The following SLC8A1 variants were observed in gnomAD, a reference collection of about 807,000 sequenced individuals.
SLC8A1 encodes solute carrier family 8 member A1, also known as sodium/calcium exchanger 1.
A neutral mutation model predicts 68.3 loss-of-function variants in SLC8A1; 18 were observed. That is an observed-to-expected ratio of 0.26 (90% confidence interval 0.18 to 0.39). SLC8A1 has a LOEUF of 0.39. Among genes scored for constraint, SLC8A1 ranks in the 10% least tolerant of loss-of-function variants. SLC8A1 has a pLI of 1.00. For synonymous variants in SLC8A1, 475 were observed against 415.5 expected (o/e 1.14, Z -1.74); for missense variants, 985 against 1,156.7 (o/e 0.85, Z 2.15).
At chr2:40,423,221 A>G (rs184603092) in intron 2 of SLC8A1, among the ~76,000 whole-genome samples, 46 of 152,236 alleles carry the variant, frequency 3.0e-4, no homozygotes, top group Admixed American at 3.9e-4. Context: ...TTACCAAGGT[A>G]TGAGTCCATC....
intron 2 of SLC8A1, among the ~76,000 whole-genome samples, chr2:40,309,034 T>A (rs1209043781): frequency 6.6e-6 from 1 of 152,124 alleles, no homozygotes; most frequent in African/African-American, 2.4e-5. Flanking sequence ...TTAGACATGG[T>A]GAAATAACTA....
At chr2:40,416,338 A>G (rs911151671) in intron 2 of SLC8A1, among the ~76,000 whole-genome samples, 2 of 152,188 alleles carry the variant, frequency 1.3e-5, no homozygotes, top group Non-Finnish European at 2.9e-5. Context: ...CTACAAGTTC[A>G]TAACTTATCA....
chr2:40,430,871 A>G (rs1159077081), intron 1 of SLC8A1, among the ~76,000 whole-genome samples: 2 of 152,134 alleles, frequency 1.3e-5, no homozygotes, highest in African/African-American at 4.8e-5. Context: ...AGCATCTTAC[A>G]CTGTATTTCA....
chr2:40,145,831 G>C (rs2042360212), intron 6 of SLC8A1, among the ~76,000 whole-genome samples: 1 of 152,190 alleles, frequency 6.6e-6, no homozygotes, highest in South Asian at 2.1e-4. Flanking sequence ...AAAATGATCT[G>C]AAACTTCTTT....
At chr2:40,363,546 A>T (rs1675193280) in intron 2 of SLC8A1, among the ~76,000 whole-genome samples, 1 of 152,116 alleles carries the variant, frequency 6.6e-6, no homozygotes, top group South Asian at 2.1e-4. Flanking sequence ...ATTATTATTA[A>T]ATCCCAAGCT....
chr2:40,308,914 G>A (rs2073165865), intron 2 of SLC8A1, among the ~76,000 whole-genome samples: 2 of 152,170 alleles, frequency 1.3e-5, no homozygotes, highest in African/African-American at 4.8e-5. Flanking sequence ...TTCCTGGGGA[G>A]GAGTGGAAGA....
intron 7 of SLC8A1, among the ~76,000 whole-genome samples, chr2:40,121,632 C>T (rs967898864): frequency 2.6e-5 from 4 of 152,040 alleles, no homozygotes; most frequent in Non-Finnish European, 5.9e-5. Context: ...GGAAGCTTAC[C>T]TACTTCATAG....
In SLC8A1 at chr2:40,302,200, A is replaced by G. The variant is rs973460840; in HGVS notation, c.1809-124345T>C. On this transcript the variant is annotated intron_variant, in intron 2 of 7. Transcript: ENST00000406785. ...GTGTGAGCCACTGCACCCAGCCCCA[A>G]TTTGTAGTCTTTTATCCCTCACTTC... 8.6e-5 allele frequency among the ~76,000 whole-genome samples: 13 copies of G among 151,862 alleles called. No individual in the cohort carries two copies. In the Middle Eastern group the frequency reaches 0.014, roughly 159 times the overall value.
intron 2 of SLC8A1, among the ~76,000 whole-genome samples, chr2:40,353,441 T>C (rs1671724889): frequency 6.6e-6 from 1 of 152,094 alleles, no homozygotes; most frequent in Non-Finnish European, 1.5e-5. Flanking sequence ...AGATTTTTCA[T>C]TATGGAAAAT....
intron 1 of SLC8A1, among the ~76,000 whole-genome samples, chr2:40,472,884 G>A (rs1361924290): frequency 6.6e-6 from 1 of 152,130 alleles, no homozygotes; most frequent in Non-Finnish European, 1.5e-5. Flanking sequence ...AGAATATACT[G>A]ACTGTTATTG....
In SLC8A1 at chr2:40,216,025, A is replaced by G. The variant is rs1344327189; in HGVS notation, c.1809-38170T>C. 5.6e-5 allele frequency among the ~76,000 whole-genome samples: 3 copies of G among 54,000 alleles called. No homozygotes were observed. The East Asian group carries it at 9.5e-4, about 17-fold the overall frequency. The allele number at this position is 54,000 out of a possible 152,430, so 35.4% of individuals were successfully genotyped here. A position where few individuals can be genotyped will look rare whatever the true frequency, so the allele number is the denominator to read the frequency against. On this transcript the variant is annotated intron_variant, in intron 2 of 7. Transcript: ENST00000406785. Reference sequence around the variant, plus strand: ...TCCCAGTGTATGCTTTTTTTTTTTTACAATTTTTTAAAAATTTTACTTTAA... The same window carrying G: ...TCCCAGTGTATGCTTTTTTTTTTTTGCAATTTTTTAAAAATTTTACTTTAA...
chr2:40,215,607 G>A (rs1192382580), intron 2 of SLC8A1, among the ~76,000 whole-genome samples: 1 of 141,260 alleles, frequency 7.1e-6, no homozygotes, highest in Non-Finnish European at 1.5e-5. Context: ...ACTGCAGTCC[G>A]CAGTCCGGCC....
upstream of SLC8A1, among the ~76,000 whole-genome samples, chr2:40,455,330 A>G (rs948900723): frequency 6.6e-6 from 1 of 152,236 alleles, no homozygotes; most frequent in Admixed American, 6.5e-5. Flanking sequence ...CATCATAGGG[A>G]AAACAAGCAC....
chr2:40,497,402 C>A (rs1185255412), intron 1 of SLC8A1, among the ~76,000 whole-genome samples: 1 of 151,846 alleles, frequency 6.6e-6, no homozygotes, highest in East Asian at 1.9e-4. Flanking sequence ...CACTTAGAGT[C>A]TAATGAGGAG....
At chr2:40,408,348 T>A (rs185994435) in intron 2 of SLC8A1, among the ~76,000 whole-genome samples, 1 of 152,216 alleles carries the variant, frequency 6.6e-6, no homozygotes, top group Non-Finnish European at 1.5e-5. Context: ...TTTGATAAAT[T>A]AGCTTAGACT....
intron 2 of SLC8A1, among the ~76,000 whole-genome samples, chr2:40,353,124 T>G (rs897021047): frequency 6.6e-6 from 1 of 152,154 alleles, no homozygotes; most frequent in Non-Finnish European, 1.5e-5. Flanking sequence ...TGAAATTACT[T>G]GGGAATCAAA....
chr2:40,264,104 C>T (rs1283300950), intron 2 of SLC8A1, among the ~76,000 whole-genome samples: 2 of 152,246 alleles, frequency 1.3e-5, no homozygotes, highest in South Asian at 4.1e-4. Flanking sequence ...AAAAAATGCT[C>T]ATCATCACTG....
intron 1 of SLC8A1, among the ~76,000 whole-genome samples, chr2:40,433,476 T>C (rs1190532177): frequency 7.9e-5 from 12 of 152,200 alleles, no homozygotes; most frequent in Admixed American, 7.9e-4. Context: ...AAATTGTCTC[T>C]ATACATATCA....
intron 2 of SLC8A1, among the ~76,000 whole-genome samples, chr2:40,321,341 A>G (rs1039490968): frequency 6.6e-6 from 1 of 152,116 alleles, no homozygotes; most frequent in East Asian, 1.9e-4. Context: ...CATGTATATC[A>G]TTTCTAACTG....
Sources: allele counts gnomAD v4.1 joint callset (sites outside exome capture counted in the v4.1 genomes callset), GRCh38; gene constraint gnomAD v4.1.1; transcripts MANE v1.5; gene names NCBI Gene and HGNC (gene_info 2026-07-23, HGNC 2026-07-21).